VPS26C: variants seen among roughly 807,000 people sequenced by gnomAD.
The protein encoded by VPS26C is vacuolar protein sorting-associated protein 26C.
VPS26C carries 19 observed loss-of-function variants against 30.6 expected under a neutral mutation model. The ratio of observed to expected loss-of-function variants is 0.62; its 90% CI spans 0.43 to 0.91. The LOEUF (loss-of-function observed/expected upper bound fraction) is 0.91, where lower values mean the gene tolerates loss of function less well. Among genes scored for constraint, VPS26C ranks in the 40% least tolerant of loss-of-function variants. The pLI is 0.00. For missense variants in VPS26C, 318 were observed against 385.1 expected (o/e 0.83, Z 1.46); for synonymous variants, 132 against 151.5 (o/e 0.87, Z 0.95).
At chr21:37,266,958 T>C in intron 1 of VPS26C, 1 of 361,018 alleles carries the variant, frequency 2.8e-6, no homozygotes, top group Non-Finnish European at 4.5e-6. Flanking sequence ...AGGGGCCAGA[T>C]GGGAAGAGCG....
rs2086250712 is a variant in VPS26C, at chr21:37,257,056, T to G, written c.57+10182A>C. ...CTGAGGCAGGAGAATCGCTTGAGCC[T>G]GGGAGGTGGAGGCTGCAGTGAGCTG... On this transcript the variant is annotated intron_variant, in intron 1 of 7. Coordinates refer to ENST00000309117, the MANE Select transcript of VPS26C (RefSeq NM_006052.2). The surrounding 1 kb of genome is among the most constrained non-coding windows in gnomAD (Gnocchi z 4.2). Among the ~76,000 whole-genome samples, 1 of 151,992 alleles carries G rather than the reference T, an allele frequency of 6.6e-6. No individual in the cohort carries two copies.
chr21:37,258,829 T>C (rs1386582417), intron 1 of VPS26C, among the ~76,000 whole-genome samples: 1 of 152,196 alleles, frequency 6.6e-6, no homozygotes, highest in Non-Finnish European at 1.5e-5. Context: ...TTTACCATGC[T>C]CAGGCGCAGG....
intron 1 of VPS26C, among the ~76,000 whole-genome samples, chr21:37,259,188 A>T (rs1194224721): frequency 2.0e-5 from 3 of 152,170 alleles, no homozygotes; most frequent in African/African-American, 7.2e-5. Context: ...CCAGCAGGTT[A>T]AAGTAGAATA....
At position 37,228,256 on chromosome 21, in the gene VPS26C, C is replaced by G. The variant is rs143165732; in HGVS notation, c.625G>C (p.Val209Leu). 3.3e-4 allele frequency: 537 copies of G among 1,612,160 alleles called. No homozygotes were observed. Among genetic ancestry groups the G allele is most frequent in the Non-Finnish European group, 4.4e-4 (519 of 1,179,534 alleles). Residue 209 changes from valine to leucine, a missense_variant, in exon 6 of 8, where the codon GTG (valine) becomes CTG (leucine). Transcript: ENST00000309117. ...TCCACGCGCACCAGCTGCAGCTCCA[C>G]GCTTCTGATGGCGGCTTCCGAGCTC... ...VESSEAAIRS[V>L]ELQLVRVETC...
intron 3 of VPS26C, chr21:37,237,611 A>G (rs1328956455): frequency 6.6e-6 from 1 of 152,204 alleles, no homozygotes; most frequent in Non-Finnish European, 1.5e-5. Context: ...TTCACAGAAG[A>G]TGTACATCAT....
intron 1 of VPS26C, among the ~76,000 whole-genome samples, chr21:37,242,471 T>C (rs1432078748): frequency 6.6e-6 from 1 of 151,740 alleles, no homozygotes; most frequent in Non-Finnish European, 1.5e-5. Flanking sequence ...GGCGTGGTGG[T>C]GTGCTCAGGA....
intron 1 of VPS26C, chr21:37,261,781 C>G (rs954844740): frequency 1.3e-5 from 2 of 151,712 alleles, no homozygotes; most frequent in African/African-American, 4.8e-5. Flanking sequence ...TCTGACATTC[C>G]CACAGTGCAT....
At chr21:37,245,317 G>A (rs2086126694) in intron 1 of VPS26C, among the ~76,000 whole-genome samples, 1 of 152,124 alleles carries the variant, frequency 6.6e-6, no homozygotes, top group African/African-American at 2.4e-5. Flanking sequence ...TACAAAGGGG[G>A]ACCCGCCCTC....
In VPS26C at chr21:37,232,422, G is replaced by C; in HGVS notation, c.462C>G (p.Pro154=). 6.2e-7 allele frequency: 1 copy of C among 1,614,224 alleles called. No individual in the cohort carries two copies. The highest frequency in any genetic ancestry group is 8.5e-7 in the Non-Finnish European group (1 of 1,180,024). ...TTTCAGGTGTAATCGTGAAGTCCAC[G>C]GGACTGGGAGTAAACTTCCCCTTCT... is the stretch of plus-strand genomic sequence containing the variant. ...APQKGKFTPS[P]VDFTITPETL... is the part of the protein sequence containing the mutation. Residue 154 remains proline (P), a synonymous_variant, in exon 5 of 8, where the codon CCC becomes CCG. Transcript: ENST00000309117.
chr21:37,228,202 G>A (rs2085923299), intron 6 of VPS26C, 21 bp downstream of exon 6: 2 of 1,606,524 alleles, frequency 1.2e-6, no homozygotes, highest in East Asian at 2.2e-5. Flanking sequence ...CAAGCGCCAG[G>A]CCTGGTGGCA....
At chr21:37,248,379 TA>T (rs2086158616) in intron 1 of VPS26C, among the ~76,000 whole-genome samples, 1 of 151,766 alleles carries the variant, frequency 6.6e-6, no homozygotes, top group African/African-American at 2.4e-5. Context: ...TTAAATAATC[TA>T]ATCAAAAAAG....
chr21:37,259,013 CAGA>C (rs1007632438), intron 1 of VPS26C, among the ~76,000 whole-genome samples: 41 of 152,210 alleles, frequency 2.7e-4, no homozygotes, highest in African/African-American at 8.9e-4. Context: ...AGGTTATTGG[CAGA>C]AGAAGAGACC....
intron 4 of VPS26C, among the ~76,000 whole-genome samples, chr21:37,232,903 T>C (rs1602265900): frequency 1.3e-5 from 2 of 152,228 alleles, no homozygotes; most frequent in South Asian, 2.1e-4. Flanking sequence ...GGAGGTCAGG[T>C]TGCTATTGGC....
rs2085873231 is a variant in VPS26C at position 37,223,907 on chromosome 21, A to G, written c.*1637T>C. 6.6e-6 allele frequency: 1 copy of G among 152,290 alleles called. No homozygotes were observed. The highest frequency in any genetic ancestry group is 2.4e-5 in the African/African-American group (1 of 41,468). The allele number at this position is 152,290 out of a possible 1,614,324, so 9.4% of individuals were successfully genotyped here. A position where few individuals can be genotyped will look rare whatever the true frequency, so the allele number is the denominator to read the frequency against. ...GTGTGTGTGCAAAGCAGCATGGCTT[A>G]TTTTGAGGTCCTATTAGTTGTGGGC... On this transcript the variant is annotated 3_prime_UTR_variant, in exon 8 of 8. Coordinates refer to ENST00000309117, the MANE Select transcript of VPS26C (RefSeq NM_006052.2).
chr21:37,241,837 A>G (rs1409991655), intron 1 of VPS26C, among the ~76,000 whole-genome samples: 3 of 152,114 alleles, frequency 2.0e-5, no homozygotes, highest in Non-Finnish European at 4.4e-5. Context: ...TAAACAGTAA[A>G]AATAAAAATT....
intron 6 of VPS26C, 29 bp from the exon 7 acceptor site, chr21:37,227,835 C>A: frequency 6.5e-7 from 1 of 1,537,522 alleles, no homozygotes; most frequent in South Asian, 1.1e-5. Flanking sequence ...ATCACGCGGT[C>A]AGGGCCAGCA....
At chr21:37,232,325 G>T in intron 5 of VPS26C, 52 bp downstream of exon 5, 1 of 1,519,018 alleles carries the variant, frequency 6.6e-7, no homozygotes, top group Non-Finnish European at 9.1e-7. Context: ...AGTCCGTGGG[G>T]TCTGGCTGCT....
intron 1 of VPS26C, among the ~76,000 whole-genome samples, chr21:37,249,454 T>C (rs1602279054): frequency 1.3e-5 from 2 of 152,184 alleles, no homozygotes; most frequent in Non-Finnish European, 2.9e-5. Context: ...ATGGCCTTAT[T>C]TTCAAAAGGA....
intron 5 of VPS26C, chr21:37,228,720 GACAC>G (rs985571840): frequency 5.1e-6 from 1 of 197,130 alleles, no homozygotes; most frequent in African/African-American, 2.4e-5. Context: ...AAGACAACCT[GACAC>G]ACACACAGTT....
Sources: gnomAD v4.1 joint callset for allele counts (sites outside exome capture counted in the v4.1 genomes callset) on GRCh38, gnomAD v4.1.1 for gene constraint, Gnocchi (gnomAD v3.1) non-coding constraint, MANE v1.5 for transcripts, NCBI Gene and HGNC (gene_info 2026-07-23, HGNC 2026-07-21) for gene names.